NAALADL2: variants seen among roughly 807,000 people sequenced by gnomAD.
NAALADL2 encodes the protein inactive N-acetylated-alpha-linked acidic dipeptidase-like protein 2.
A neutral mutation model predicts 87.2 loss-of-function variants in NAALADL2; 76 were observed. The ratio of observed to expected loss-of-function variants is 0.87; its 90% CI spans 0.72 to 1.05. The LOEUF is 1.05. Among genes scored for constraint, NAALADL2 ranks in the 50% least tolerant of loss-of-function variants. The pLI, the probability that NAALADL2 is intolerant of heterozygous loss-of-function variation, is 0.00. For missense variants in NAALADL2, 1,089 were observed against 945.8 expected (o/e 1.15, Z -1.99); for synonymous variants, 354 against 331.0 (o/e 1.07, Z -0.75).
At chr3:175,680,218 A>G (rs767155138) in intron 11 of NAALADL2, among the ~76,000 whole-genome samples, 29 of 152,218 alleles carry the variant, frequency 1.9e-4, no homozygotes, top group Non-Finnish European at 1.5e-5. Context: ...TGTTACACAT[A>G]AAAATATTCC....
intron 2 of NAALADL2, among the ~76,000 whole-genome samples, chr3:174,636,635 A>T (rs1299022992): frequency 6.6e-6 from 1 of 152,190 alleles, no homozygotes; most frequent in Admixed American, 6.5e-5. Context: ...AATGGCTAGT[A>T]TTAAAAAGTC....
At chr3:175,768,512 T>A (rs1378222263) in intron 13 of NAALADL2, among the ~76,000 whole-genome samples, 1 of 152,202 alleles carries the variant, frequency 6.6e-6, no homozygotes, top group African/African-American at 2.4e-5. Flanking sequence ...AGAACCTGTT[T>A]GCAGCCATTC....
chr3:175,016,634 A>C (rs1292182400), intron 1 of NAALADL2, among the ~76,000 whole-genome samples: 2 of 151,926 alleles, frequency 1.3e-5, no homozygotes, highest in Non-Finnish European at 2.9e-5. Context: ...TAAGAGAAGT[A>C]GAATTTTTAG....
At chr3:175,578,022 T>C (rs115894793) in intron 10 of NAALADL2, among the ~76,000 whole-genome samples, 3,488 of 152,250 alleles carry the variant, frequency 0.023, 53 homozygotes, top group Non-Finnish European at 0.037. Flanking sequence ...GAAAATAGAT[T>C]GGTAGATTTG....
At chr3:175,087,455 G>T (rs1252584970) in intron 1 of NAALADL2, among the ~76,000 whole-genome samples, 3 of 152,224 alleles carry the variant, frequency 2.0e-5, no homozygotes, top group Non-Finnish European at 4.4e-5. Context: ...TGGCGGTTTT[G>T]TCGAATAGAA....
At chr3:174,783,227 T>C (rs896244473) in intron 3 of NAALADL2, among the ~76,000 whole-genome samples, 2 of 152,186 alleles carry the variant, frequency 1.3e-5, no homozygotes, top group African/African-American at 4.8e-5. Flanking sequence ...ATAGTTTGTG[T>C]GATTTCTCAC....
chr3:175,465,659 G>A (rs887614972), intron 7 of NAALADL2, among the ~76,000 whole-genome samples: 11 of 151,906 alleles, frequency 7.2e-5, no homozygotes, highest in African/African-American at 2.7e-4. Context: ...TTTTAGTAGA[G>A]ACGAGGTTTC....
At chr3:175,130,951 G>A (rs1727739835) in intron 2 of NAALADL2, among the ~76,000 whole-genome samples, 1 of 152,100 alleles carries the variant, frequency 6.6e-6, no homozygotes, top group African/African-American at 2.4e-5. Context: ...AAATGCCATT[G>A]GAATTTTGAT....
At position 174,642,509 on chromosome 3, in the gene NAALADL2, A is replaced by T. The variant is rs1163908712; in HGVS notation, c.-115+91872A>T. On this transcript the variant is annotated intron_variant, in intron 2 of 3. Transcript: ENST00000434257. ...GAGCAAGACTCAGTCTCTGGGGATA[A>T]AAAAAAAAAAAAAAAAAGCATGTTG... Among the ~76,000 whole-genome samples, 10 of 22,752 alleles carry T rather than the reference A, an allele frequency of 4.4e-4. No homozygotes were observed. The East Asian group carries it at 0.22, about 495-fold the overall frequency. 14.9% of individuals were successfully genotyped at this position (22,752 alleles called of 152,430 possible).
chr3:175,073,903 A>G (rs1030887855), intron 1 of NAALADL2, among the ~76,000 whole-genome samples: 10 of 152,182 alleles, frequency 6.6e-5, no homozygotes, highest in African/African-American at 1.7e-4. Flanking sequence ...TGAAAACTGC[A>G]AGCCCCCTCC....
intron 5 of NAALADL2, among the ~76,000 whole-genome samples, chr3:175,385,877 C>T (rs908624795): frequency 1.1e-4 from 17 of 152,016 alleles, no homozygotes; most frequent in African/African-American, 4.1e-4. Context: ...ACCCCAAAAC[C>T]CAGTGACATC....
At chr3:174,610,403 C>T (rs1405091201) in intron 2 of NAALADL2, among the ~76,000 whole-genome samples, 78 of 151,242 alleles carry the variant, frequency 5.2e-4, no homozygotes, top group Non-Finnish European at 8.1e-4. Flanking sequence ...AGAAAATTTT[C>T]GCAACCTACT....
chr3:174,712,795 CT>C (rs1424707096), intron 2 of NAALADL2, among the ~76,000 whole-genome samples: 1 of 151,832 alleles, frequency 6.6e-6, no homozygotes, highest in Non-Finnish European at 1.5e-5. Flanking sequence ...GTATTTCTTT[CT>C]TTATATTTAT....
chr3:174,857,364 C>G (rs1050026717), upstream of NAALADL2, among the ~76,000 whole-genome samples: 1 of 152,044 alleles, frequency 6.6e-6, no homozygotes, highest in Non-Finnish European at 1.5e-5. Flanking sequence ...GAACTTAAGA[C>G]CTTTCTGGTG....
chr3:175,769,081 C>T (rs936286795), intron 13 of NAALADL2, among the ~76,000 whole-genome samples: 1 of 152,088 alleles, frequency 6.6e-6, no homozygotes, highest in Admixed American at 6.6e-5. Flanking sequence ...TTTCCTGATT[C>T]TCTTTTTAAT....
chr3:175,305,707 A>G (rs1488219193), intron 4 of NAALADL2, among the ~76,000 whole-genome samples: 4 of 151,986 alleles, frequency 2.6e-5, no homozygotes, highest in Non-Finnish European at 1.5e-5. Context: ...TTTTTAGTAG[A>G]GACAGGGTTT....
intron 1 of NAALADL2, among the ~76,000 whole-genome samples, chr3:174,542,686 G>C (rs896893870): frequency 6.6e-5 from 10 of 152,144 alleles, no homozygotes; most frequent in Non-Finnish European, 1.3e-4. Context: ...ATGTAACCAG[G>C]TAGCTTGTCA....
intron 1 of NAALADL2, among the ~76,000 whole-genome samples, chr3:174,482,954 G>C (rs80069731): frequency 0.022 from 3,293 of 152,144 alleles, 52 homozygotes; most frequent in Non-Finnish European, 0.033. Flanking sequence ...GTGATCAAGA[G>C]TGATGTGTTA....
intron 10 of NAALADL2, among the ~76,000 whole-genome samples, chr3:175,625,096 A>G (rs1050800095): frequency 6.6e-6 from 1 of 152,046 alleles, no homozygotes; most frequent in Non-Finnish European, 1.5e-5. Flanking sequence ...AGAAGTACAG[A>G]AGTGCCTTGA....
Sources: allele counts gnomAD v4.1 joint callset (sites outside exome capture counted in the v4.1 genomes callset), GRCh38; gene constraint gnomAD v4.1.1; transcripts MANE v1.5; gene names NCBI Gene and HGNC (gene_info 2026-07-23, HGNC 2026-07-21).